Variants in DSCAM observed in about 807,000 individuals in gnomAD.
The protein encoded by DSCAM is DS cell adhesion molecule.
DSCAM carries 47 observed loss-of-function variants against 217.7 expected under a neutral mutation model. The observed-to-expected ratio is 0.22, with a 90% CI of 0.17 to 0.28. The LOEUF (loss-of-function observed/expected upper bound fraction) is 0.28. Among genes scored for constraint, DSCAM ranks in the 10% least tolerant of loss-of-function variants. The pLI is 1.00. For synonymous variants in DSCAM, 1,056 were observed against 1,015.3 expected (o/e 1.04, Z -0.76); for missense variants, 2,080 against 2,618.3 (o/e 0.79, Z 4.49).
At chr21:40,540,385 T>C (rs2076533997) in intron 3 of DSCAM, among the ~76,000 whole-genome samples, 1 of 152,178 alleles carries the variant, frequency 6.6e-6, no homozygotes, top group Non-Finnish European at 1.5e-5. Context: ...AGATTCTATT[T>C]TCACACACAG....
chr21:40,707,348 C>T (rs1222613466), intron 2 of DSCAM, among the ~76,000 whole-genome samples: 1 of 152,164 alleles, frequency 6.6e-6, no homozygotes, highest in African/African-American at 2.4e-5. Flanking sequence ...TTTCATATAT[C>T]TTGATTAAAG....
intron 3 of DSCAM, among the ~76,000 whole-genome samples, chr21:40,673,750 T>C (rs1047971245): frequency 6.6e-6 from 1 of 152,130 alleles, no homozygotes; most frequent in South Asian, 2.1e-4. Flanking sequence ...AGCTCCTCCC[T>C]CACTCTCTCT....
intron 11 of DSCAM, among the ~76,000 whole-genome samples, chr21:40,273,923 G>C (rs894512965): frequency 6.6e-5 from 10 of 152,120 alleles, no homozygotes; most frequent in Non-Finnish European, 1.5e-4. Context: ...TCAGATTCTA[G>C]TATCATCACA....
At chr21:40,376,391 G>A (rs1335771143) in intron 3 of DSCAM, among the ~76,000 whole-genome samples, 2 of 144,854 alleles carry the variant, frequency 1.4e-5, no homozygotes, top group East Asian at 4.0e-4. Context: ...GGAAATAGAA[G>A]ATATATATAT....
At chr21:40,213,369 G>C (rs1601447001) in intron 11 of DSCAM, among the ~76,000 whole-genome samples, 1 of 152,096 alleles carries the variant, frequency 6.6e-6, no homozygotes, top group African/African-American at 2.4e-5. Flanking sequence ...CTGCCTCCCT[G>C]TGCACACATA....
chr21:40,288,676 T>C (rs1325705165), intron 10 of DSCAM, among the ~76,000 whole-genome samples: 1 of 152,200 alleles, frequency 6.6e-6, no homozygotes, highest in African/African-American at 2.4e-5. Context: ...CTTCAATAAA[T>C]GGTTTTAGGA....
intron 1 of DSCAM, among the ~76,000 whole-genome samples, chr21:40,730,547 T>C (rs982578099): frequency 3.9e-5 from 6 of 152,194 alleles, no homozygotes; most frequent in Non-Finnish European, 7.4e-5. Context: ...GACATAACTG[T>C]TCTAAGATTT....
chr21:40,527,794 A>T (rs1042146775), intron 3 of DSCAM, among the ~76,000 whole-genome samples: 1 of 152,218 alleles, frequency 6.6e-6, no homozygotes, highest in African/African-American at 2.4e-5. Flanking sequence ...GGTGCAAAGG[A>T]AACATGAAGC....
In DSCAM at chr21:40,144,999, T is replaced by C. The variant is rs2090337931; in HGVS notation, c.3019-268A>G. Among the ~76,000 whole-genome samples, 1 of 152,178 alleles carries C rather than the reference T, an allele frequency of 6.6e-6. No homozygotes were observed. The highest frequency in any genetic ancestry group is 2.4e-5 in the African/African-American group (1 of 41,454). On this transcript the variant is annotated intron_variant, in intron 16 of 32. Transcript: ENST00000400454. The surrounding 1 kb of genome is among the most constrained non-coding windows in gnomAD (Gnocchi z 4.8). Reference sequence around the variant, plus strand: ...ACACAGGAGGTCACCTGAGTATGCATGGCAGGAGCGGAATCTGAACATGGG... The same window carrying C: ...ACACAGGAGGTCACCTGAGTATGCACGGCAGGAGCGGAATCTGAACATGGG...
Position 40,021,074 on chromosome 21 carries a change from G to A in DSCAM, c.5687-7688C>T, listed in dbSNP as rs192978449. Among the ~76,000 whole-genome samples the A allele has an allele frequency of 6.6e-5, 10 of 151,866 alleles. No homozygotes were observed. The East Asian group carries it at 1.2e-3, about 18-fold the overall frequency. On this transcript the variant is annotated intron_variant, in intron 32 of 32. Coordinates refer to ENST00000400454, the MANE Select transcript of DSCAM (RefSeq NM_001389.5). ...AATAAGGCTGGGGGGGTGTGAGGGA[G>A]GATGGATGAGAGAGAGGGGAAGAGA...
At chr21:40,215,407 A>G (rs979473075) in intron 11 of DSCAM, among the ~76,000 whole-genome samples, 7 of 152,028 alleles carry the variant, frequency 4.6e-5, no homozygotes, top group African/African-American at 1.7e-4. Context: ...AAATCATAAA[A>G]GCAAGACTCA....
At chr21:40,730,618 C>T (rs1364511917) in intron 1 of DSCAM, among the ~76,000 whole-genome samples, 1 of 152,122 alleles carries the variant, frequency 6.6e-6, no homozygotes, top group Non-Finnish European at 1.5e-5. Flanking sequence ...ACAAGCCTGG[C>T]ACGCTGTCCA....
At position 40,144,745 on chromosome 21, in the gene DSCAM, A is replaced by C; in HGVS notation, c.3019-14T>G. 1.2e-6 allele frequency: 2 copies of C among 1,614,076 alleles called. No homozygotes were observed. Among genetic ancestry groups the C allele is most frequent in the Non-Finnish European group, 1.7e-6 (2 of 1,180,018 alleles). On this transcript the variant is annotated splice_polypyrimidine_tract_variant and intron_variant, in intron 16 of 32. Coordinates refer to ENST00000400454, the MANE Select transcript of DSCAM (RefSeq NM_001389.5). This position sits in a 1 kb window ranked among gnomAD's most constrained non-coding sequence, Gnocchi z 4.8. The stretch of plus-strand genomic sequence containing the variant: ...TTTCTTGGGAGCCTAAACAGGAGAG[A>C]AAAGAACACACTAAAGAAGTCTTGA...
chr21:40,496,492 C>T (rs535318562), intron 3 of DSCAM, among the ~76,000 whole-genome samples: 2 of 152,224 alleles, frequency 1.3e-5, no homozygotes, highest in African/African-American at 4.8e-5. Context: ...AAATTAGACC[C>T]TTATCTCACA....
chr21:40,605,731 G>A (rs2089226113), intron 3 of DSCAM, among the ~76,000 whole-genome samples: 2 of 150,100 alleles, frequency 1.3e-5, no homozygotes, highest in Admixed American at 1.3e-4. Context: ...CATGAGCAAA[G>A]GTGAATGGGT....
chr21:40,767,130 A>T (rs1028450631), intron 1 of DSCAM, among the ~76,000 whole-genome samples: 1 of 152,196 alleles, frequency 6.6e-6, no homozygotes, highest in African/African-American at 2.4e-5. Flanking sequence ...GTCAACTAAA[A>T]CATGTTAGGA....
chr21:40,655,963 G>A (rs1183597169), intron 3 of DSCAM, among the ~76,000 whole-genome samples: 1 of 152,110 alleles, frequency 6.6e-6, no homozygotes, highest in Non-Finnish European at 1.5e-5. Context: ...TGAGGCTGGA[G>A]GATTGCTTAG....
chr21:40,716,611 A>G (rs1174684948), intron 1 of DSCAM, among the ~76,000 whole-genome samples: 2 of 152,202 alleles, frequency 1.3e-5, no homozygotes, highest in Non-Finnish European at 2.9e-5. Context: ...ACTGACAAAC[A>G]TAAAGAAGAG....
intron 3 of DSCAM, among the ~76,000 whole-genome samples, chr21:40,436,993 T>G (rs1420851166): frequency 6.6e-6 from 1 of 152,202 alleles, no homozygotes; most frequent in Non-Finnish European, 1.5e-5. Context: ...TGGCCTCTTT[T>G]TGGGAAATAG....
Sources: gnomAD v4.1 joint callset for allele counts (sites outside exome capture counted in the v4.1 genomes callset) on GRCh38, gnomAD v4.1.1 for gene constraint, Gnocchi (gnomAD v3.1) non-coding constraint, MANE v1.5 for transcripts, NCBI Gene and HGNC (gene_info 2026-07-23, HGNC 2026-07-21) for gene names.